Variants in RBFOX3 observed in about 807,000 individuals in gnomAD.
RBFOX3 encodes RNA binding protein fox-1 homolog 3.
In RBFOX3, 17 loss-of-function variants were observed where a neutral mutation model predicts 48.7. The observed-to-expected ratio is 0.35, with a 90% CI of 0.24 to 0.52. RBFOX3 has a LOEUF of 0.52. RBFOX3 is among the 20% of genes least tolerant of loss of function. The pLI is 0.94. For missense variants in RBFOX3, 382 were observed against 497.5 expected (o/e 0.77, Z 2.21); for synonymous variants, 212 against 209.5 (o/e 1.01, Z -0.10).
chr17:79,587,314 C>T (rs2093281050), intron 1 of RBFOX3, among the ~76,000 whole-genome samples: 1 of 152,190 alleles, frequency 6.6e-6, no homozygotes, highest in Admixed American at 6.5e-5. Flanking sequence ...CAGTGGTGCC[C>T]ACATTGCACA....
At chr17:79,107,731 G>A (rs2077669148) in intron 5 of RBFOX3, among the ~76,000 whole-genome samples, 1 of 152,358 alleles carries the variant, frequency 6.6e-6, no homozygotes, top group East Asian at 1.9e-4. Flanking sequence ...CCAGGCCCAA[G>A]GGCCTCTACA....
intron 6 of RBFOX3, among the ~76,000 whole-genome samples, chr17:79,104,561 G>T (rs188094042): frequency 8.2e-4 from 125 of 152,326 alleles, no homozygotes; most frequent in Middle Eastern, 3.4e-3. Context: ...TGGGGATAGG[G>T]TACCCAAGGC....
intron 4 of RBFOX3, among the ~76,000 whole-genome samples, chr17:79,129,126 A>ATGC (rs1386322766): frequency 1.1e-4 from 16 of 152,302 alleles, no homozygotes; most frequent in South Asian, 8.3e-4. Context: ...ATGCTGAGTG[A>ATGC]TGCTGCTGCT....
rs2074998407 is a variant in RBFOX3, at chr17:79,299,679, A to AG, written c.-74+8044dup. On this transcript the variant is annotated intron_variant, in intron 3 of 14. Coordinates refer to ENST00000693108, the MANE Select transcript of RBFOX3 (RefSeq NM_001350451.2). The surrounding 1 kb of genome is among the most constrained non-coding windows in gnomAD (Gnocchi z 4.5). ...CTGTGTTTAGAGATATGGACTTTGA[A>AG]GGGGTAATTTGGTTAAACTGAGTTA... is the stretch of plus-strand genomic sequence containing the variant. Among the ~76,000 whole-genome samples, 1 of 152,182 alleles carries AG rather than the reference A, an allele frequency of 6.6e-6. No individual in the cohort carries two copies. Among genetic ancestry groups the AG allele is most frequent in the Non-Finnish European group, 1.5e-5 (1 of 68,040 alleles).
At chr17:79,646,506 G>A in the RBFOX3 span, among the ~76,000 whole-genome samples, 1 of 152,208 alleles carries the variant, frequency 6.6e-6, no homozygotes, top group Non-Finnish European at 1.5e-5. Context: ...TTATGTGGTA[G>A]CAGGCAAGAG....
At chr17:79,108,014 C>T (rs1217252066) in intron 5 of RBFOX3, among the ~76,000 whole-genome samples, 2 of 152,236 alleles carry the variant, frequency 1.3e-5, no homozygotes, top group Non-Finnish European at 2.9e-5. Flanking sequence ...TGGCTTCCTT[C>T]GCCTTCCCGC....
At chr17:79,378,333 G>A (rs1706458044) in intron 2 of RBFOX3, among the ~76,000 whole-genome samples, 2 of 152,168 alleles carry the variant, frequency 1.3e-5, no homozygotes, top group East Asian at 1.9e-4. Context: ...TCCCTTTCTG[G>A]AGCCTGGACT....
At chr17:79,152,881 G>A (rs1238554551) in intron 4 of RBFOX3, among the ~76,000 whole-genome samples, 1 of 152,226 alleles carries the variant, frequency 6.6e-6, no homozygotes, top group Non-Finnish European at 1.5e-5. Flanking sequence ...ATTGCCCATT[G>A]CTTTCTTGCG....
Position 79,220,526 on chromosome 17 carries a change from C to A in RBFOX3, c.-34+15240G>T, listed in dbSNP as rs576802326. ...TGCCCTGTCGCAGTCACTCCTGCTG[C>A]CTGGATCTCTGTTCAGAGTTGAACT... On this transcript the variant is annotated intron_variant, in intron 4 of 14. Transcript: ENST00000693108. The surrounding 1 kb of genome is among the most constrained non-coding windows in gnomAD (Gnocchi z 5.9). Among the ~76,000 whole-genome samples the A allele has an allele frequency of 6.6e-6, 1 of 152,186 alleles. No individual in the cohort carries two copies. Among genetic ancestry groups the A allele is most frequent in the Admixed American group, 6.5e-5 (1 of 15,302 alleles).
At chr17:79,173,707 A>G (rs2049888565) in intron 4 of RBFOX3, among the ~76,000 whole-genome samples, 1 of 152,058 alleles carries the variant, frequency 6.6e-6, no homozygotes. Context: ...TGGGAGGAAA[A>G]TGGTGAGCTG....
chr17:79,199,241 C>G lies in RBFOX3; in HGVS notation c.-34+36525G>C, dbSNP rs1161700084. ...TAAAGGGCCTTTCGAAAAGACCTCC[C>G]TAGCCCCCCACCCTCGGCAGCACCA... On this transcript the variant is annotated intron_variant, in intron 4 of 14. Transcript: ENST00000693108. This position sits in a 1 kb window ranked among gnomAD's most constrained non-coding sequence, Gnocchi z 5.1. Among the ~76,000 whole-genome samples the G allele has an allele frequency of 6.6e-6, 1 of 152,158 alleles. No individual in the cohort carries two copies. Among genetic ancestry groups the G allele is most frequent in the Non-Finnish European group, 1.5e-5 (1 of 68,002 alleles).
chr17:79,656,895 G>GGGAAGGAA, the RBFOX3 span, among the ~76,000 whole-genome samples: 13,522 of 116,306 alleles, frequency 0.12, 1,420 homozygotes, highest in African/African-American at 0.29. Context: ...GAAGGAAGGA[G>GGGAAGGAA]GGAAGGAAGG....
chr17:79,640,431 T>C, the RBFOX3 span, among the ~76,000 whole-genome samples: 1 of 152,152 alleles, frequency 6.6e-6, no homozygotes, highest in African/African-American at 2.4e-5. Flanking sequence ...AAAATCCCGA[T>C]GGCATTCTTT....
At chr17:79,454,236 G>A (rs998181955) in intron 2 of RBFOX3, among the ~76,000 whole-genome samples, 6 of 152,122 alleles carry the variant, frequency 3.9e-5, no homozygotes, top group African/African-American at 1.4e-4. Context: ...CCCCAGGCCT[G>A]GGCACATCAT....
chr17:79,567,242 G>C (rs1162270349), intron 1 of RBFOX3, among the ~76,000 whole-genome samples: 2 of 143,832 alleles, frequency 1.4e-5, no homozygotes, highest in African/African-American at 5.2e-5. Flanking sequence ...GGAGTGCAGT[G>C]GTGTGATCTC....
chr17:79,374,277 C>G (rs374814547), intron 2 of RBFOX3, among the ~76,000 whole-genome samples: 1 of 152,136 alleles, frequency 6.6e-6, no homozygotes, highest in African/African-American at 2.4e-5. Context: ...GACGAGAAGC[C>G]GCAGCTTCCC....
At chr17:79,394,480 G>A (rs2061745860) in intron 2 of RBFOX3, among the ~76,000 whole-genome samples, 1 of 152,184 alleles carries the variant, frequency 6.6e-6, no homozygotes, top group African/African-American at 2.4e-5. Flanking sequence ...CGGCACCCTA[G>A]TGCTTGGCCA....
At chr17:79,190,414 CA>C (rs71161650) in intron 4 of RBFOX3, among the ~76,000 whole-genome samples, 708 of 93,510 alleles carry the variant, frequency 7.6e-3, no homozygotes, top group Non-Finnish European at 0.011. Context: ...TCTGTCTCAC[CA>C]AAAAAAAAAA....
intron 2 of RBFOX3, among the ~76,000 whole-genome samples, chr17:79,457,467 G>A (rs1366983688): frequency 6.6e-6 from 1 of 152,120 alleles, no homozygotes; most frequent in African/African-American, 2.4e-5. Flanking sequence ...ACCAAGACAC[G>A]TGGCCGCTAA....
Sources: gnomAD v4.1 joint callset for allele counts (sites outside exome capture counted in the v4.1 genomes callset) on GRCh38, gnomAD v4.1.1 for gene constraint, Gnocchi (gnomAD v3.1) non-coding constraint, MANE v1.5 for transcripts, NCBI Gene and HGNC (gene_info 2026-07-23, HGNC 2026-07-21) for gene names.